The following CACUL1 variants were observed in gnomAD, a reference collection of about 807,000 sequenced individuals.
The protein encoded by CACUL1 is CDK2-associated and cullin domain-containing protein 1.
A neutral mutation model predicts 45.2 loss-of-function variants in CACUL1; 13 were observed. The ratio of observed to expected loss-of-function variants is 0.29; its 90% confidence interval spans 0.19 to 0.46. The LOEUF (loss-of-function observed/expected upper bound fraction) is 0.46, where lower values mean the gene tolerates loss of function less well. Among genes scored for constraint, CACUL1 ranks in the 20% least tolerant of loss-of-function variants. The probability of loss-of-function intolerance (pLI) is 1.00; values close to 1 mark genes in which losing one functional copy is unlikely to be tolerated. For synonymous variants in CACUL1, 197 were observed against 174.2 expected, an observed-to-expected ratio of 1.13 and a Z score of -1.03; for missense variants, 421 against 471.4, an observed-to-expected ratio of 0.89 and a Z score of 0.99.
At chr10:118,730,163 T>G in intron 2 of CACUL1, 121 bp downstream of exon 2, 2 of 1,113,624 alleles carry the variant, frequency 1.8e-6, no homozygotes, top group South Asian at 3.0e-5. Context: ...GTGGAATACA[T>G]AAAACACTTA....
rs752420432 is a variant in CACUL1, at chr10:118,707,476, A to G, written c.693+16T>C. On this transcript the variant is annotated intron_variant, in intron 4 of 8. Transcript: ENST00000369151. ...ACACCTAGGTATTTGGGAAGGAGGA[A>G]GGAGCTCTTACTTACCATATATATG... 3 of 1,192,356 alleles carry G rather than the reference A, an allele frequency of 2.5e-6. No individual in the cohort carries two copies. The highest frequency in any genetic ancestry group is 3.8e-6 in the Non-Finnish European group (3 of 798,618). 73.9% of individuals were successfully genotyped at this position (1,192,356 alleles called of 1,614,324 possible). A position where few individuals can be genotyped will look rare whatever the true frequency, so the allele number is the denominator to read the frequency against.
Position 118,682,143 on chromosome 10 carries a change from T to C in CACUL1, c.*3985A>G, listed in dbSNP as rs918784071. 4 of 152,186 alleles carry C rather than the reference T, an allele frequency of 2.6e-5. No individual in the cohort carries two copies. The highest frequency in any genetic ancestry group is 9.7e-5 in the African/African-American group (4 of 41,444). 9.4% of individuals were successfully genotyped at this position (152,186 alleles called of 1,614,324 possible). A position where few individuals can be genotyped will look rare whatever the true frequency, so the allele number is the denominator to read the frequency against. ...ACCCTTTAAAAGGCCTAGACTTGGA[T>C]TAAAGTAAACGTAATATTCCAAGCT... On this transcript the variant is annotated 3_prime_UTR_variant, in exon 9 of 9. Transcript: ENST00000369151.
At chr10:118,730,226 A>G in intron 2 of CACUL1, 58 bp downstream of exon 2, 1 of 1,564,978 alleles carries the variant, frequency 6.4e-7, no homozygotes, top group Non-Finnish European at 8.8e-7. Flanking sequence ...GGCATAATTC[A>G]AGTGCCTTGA....
chr10:118,720,429 G>C (rs1385707556), intron 3 of CACUL1, among the ~76,000 whole-genome samples: 1 of 152,142 alleles, frequency 6.6e-6, no homozygotes, highest in African/African-American at 2.4e-5. Context: ...TATTATTTTG[G>C]AAAGGAAACC....
chr10:118,737,221 T>G (rs1657752476), intron 1 of CACUL1, among the ~76,000 whole-genome samples: 2 of 152,148 alleles, frequency 1.3e-5, no homozygotes, highest in South Asian at 4.1e-4. Context: ...CTAAAGTAGG[T>G]TAAAGCCTCT....
intron 1 of CACUL1, among the ~76,000 whole-genome samples, chr10:118,734,750 AC>A (rs1367590001): frequency 6.6e-6 from 1 of 152,254 alleles, no homozygotes; most frequent in Non-Finnish European, 1.5e-5. Flanking sequence ...CAAGGCTTAA[AC>A]CTAGAAACAC....
chr10:118,754,808 T>G lies in CACUL1; in HGVS notation c.-46A>C. 6.6e-7 allele frequency: 1 copy of G among 1,515,098 alleles called. No homozygotes were observed. Among genetic ancestry groups the G allele is most frequent in the Non-Finnish European group, 8.8e-7 (1 of 1,136,428 alleles). The allele number at this position is 1,515,098 out of a possible 1,614,324, so 93.9% of individuals were successfully genotyped here. A position where few individuals can be genotyped will look rare whatever the true frequency, so the allele number is the denominator to read the frequency against. On this transcript the variant is annotated 5_prime_UTR_variant, in exon 1 of 9. Coordinates refer to ENST00000369151, the MANE Select transcript of CACUL1 (RefSeq NM_153810.5). ...GCCCGCCTCACAGGCACCTGCCGCC[T>G]GTCTCAACCCCGGGCCAGCGGGCAC... is the stretch of plus-strand genomic sequence containing the variant.
chr10:118,734,426 G>A (rs550974547), intron 1 of CACUL1, among the ~76,000 whole-genome samples: 1 of 152,252 alleles, frequency 6.6e-6, no homozygotes, highest in South Asian at 2.1e-4. Context: ...AGCAATATCA[G>A]CAAGTAAGAG....
chr10:118,704,853 C>A (rs1049945516), intron 4 of CACUL1, among the ~76,000 whole-genome samples: 37 of 152,226 alleles, frequency 2.4e-4, no homozygotes, highest in Admixed American at 1.8e-3. Context: ...CAATGTTCAG[C>A]ACATCCTCAT....
intron 3 of CACUL1, among the ~76,000 whole-genome samples, chr10:118,719,412 T>C (rs944558266): frequency 2.6e-5 from 4 of 152,206 alleles, no homozygotes; most frequent in Non-Finnish European, 5.9e-5. Flanking sequence ...GTCTAGCTTA[T>C]TCCATGATGT....
chr10:118,725,161 T>G (rs1845640203), intron 3 of CACUL1, among the ~76,000 whole-genome samples: 1 of 152,170 alleles, frequency 6.6e-6, no homozygotes, highest in Admixed American at 6.5e-5. Context: ...AAATAGAACT[T>G]CGTTATTACT....
rs914101657 is a variant in CACUL1, at chr10:118,681,304, ATT to A, written c.*4822_*4823del. Reference sequence around the variant, plus strand: ...CCTCTTGCTCGTGCTTGCCCTCCAAATTTTTCATAAGCATTCCTGTTACTAGC... The same window carrying A: ...CCTCTTGCTCGTGCTTGCCCTCCAAATTTCATAAGCATTCCTGTTACTAGC... On this transcript the variant is annotated 3_prime_UTR_variant, in exon 9 of 9. Coordinates refer to ENST00000369151, the MANE Select transcript of CACUL1 (RefSeq NM_153810.5). 2.0e-5 allele frequency: 3 copies of A among 152,030 alleles called. No homozygotes were observed. Among genetic ancestry groups the A allele is most frequent in the Non-Finnish European group, 2.9e-5 (2 of 68,014 alleles). 9.4% of individuals were successfully genotyped at this position (152,030 alleles called of 1,614,324 possible).
rs545070046 is a variant in CACUL1 at position 118,696,263 on chromosome 10, TAGA to T, written c.797-1036_797-1034del. 3.3e-4 allele frequency among the ~76,000 whole-genome samples: 50 copies of T among 152,206 alleles called. 1 individual carries two copies. Among genetic ancestry groups the T allele is most frequent in the Middle Eastern group, 6.8e-3 (2 of 294 alleles). On this transcript the variant is annotated intron_variant, in intron 5 of 8. Coordinates refer to ENST00000369151, the MANE Select transcript of CACUL1 (RefSeq NM_153810.5). ...GTCTTTTGGCTCCCCTGGCCCACAC[TAGA>T]AGAAGAACTGTCTTGGGCCACACAT...
At chr10:118,720,845 G>T (rs970382223) in intron 3 of CACUL1, among the ~76,000 whole-genome samples, 2 of 152,176 alleles carry the variant, frequency 1.3e-5, no homozygotes, top group Admixed American at 6.5e-5. Flanking sequence ...TTGAATGATC[G>T]AGGGTTAGGG....
At chr10:118,731,897 A>T (rs1454486197) in intron 1 of CACUL1, among the ~76,000 whole-genome samples, 1 of 152,254 alleles carries the variant, frequency 6.6e-6, no homozygotes, top group Non-Finnish European at 1.5e-5. Flanking sequence ...AATGAACCGA[A>T]TTACAAATGA....
Position 118,712,752 on chromosome 10 carries a change from C to T in CACUL1, c.598-5165G>A, listed in dbSNP as rs150770206. ...AGAAAACAGGCCCTAAAGTGAGTGG[C>T]TCCTCTCTGCAGCTGGTCATCTCAA... On this transcript the variant is annotated intron_variant, in intron 3 of 8. Transcript: ENST00000369151. 5.6e-4 allele frequency among the ~76,000 whole-genome samples: 85 copies of T among 152,342 alleles called. 1 individual carries two copies. The East Asian group carries it at 0.014, about 26-fold the overall frequency.
chr10:118,686,490 GAGA>G, intron 8 of CACUL1, 105 bp downstream of exon 8: 1 of 906,052 alleles, frequency 1.1e-6, no homozygotes, highest in East Asian at 2.4e-5. Context: ...AGTGCCTTAT[GAGA>G]ACAACATGGG....
In CACUL1 at chr10:118,680,632, C is replaced by T. The variant is rs1845143782; in HGVS notation, c.*5496G>A. The T allele has an allele frequency of 6.6e-6, 1 of 151,968 alleles. No homozygotes were observed. The highest frequency in any genetic ancestry group is 6.6e-5 in the Admixed American group (1 of 15,256). 9.4% of individuals were successfully genotyped at this position (151,968 alleles called of 1,614,324 possible). ...ATGCAAAGAAAAAAACAACCTAAGT[C>T]CAAAAGTTGATTAAAGGTCCACAGA... On this transcript the variant is annotated 3_prime_UTR_variant, in exon 9 of 9. Transcript: ENST00000369151.
At chr10:118,747,159 A>G (rs1845850609) in intron 1 of CACUL1, among the ~76,000 whole-genome samples, 1 of 152,168 alleles carries the variant, frequency 6.6e-6, no homozygotes, top group Non-Finnish European at 1.5e-5. Flanking sequence ...CCACAGAAAA[A>G]TTGTCTCTTC....
Sources: allele counts gnomAD v4.1 joint callset (sites outside exome capture counted in the v4.1 genomes callset), GRCh38; gene constraint gnomAD v4.1.1; transcripts MANE v1.5; gene names NCBI Gene and HGNC (gene_info 2026-07-23, HGNC 2026-07-21).